Variants in LOC128092253 observed in about 807,000 individuals in gnomAD.
At chr6:133,960,307 G>T in the LOC128092253 span, among the ~76,000 whole-genome samples, 1,664 of 152,234 alleles carry the variant, frequency 0.011, 14 homozygotes, top group Non-Finnish European at 0.018. Flanking sequence ...TTGTACTGAG[G>T]GGGGAGGCCC....
chr6:133,966,596 C>A, the LOC128092253 span, among the ~76,000 whole-genome samples: 1 of 152,166 alleles, frequency 6.6e-6, no homozygotes, highest in Non-Finnish European at 1.5e-5. Context: ...TCCTTCAGTT[C>A]AAAATGTCCA....
At chr6:133,977,212 A>G in the LOC128092253 span, among the ~76,000 whole-genome samples, 23 of 152,132 alleles carry the variant, frequency 1.5e-4, no homozygotes, top group Non-Finnish European at 2.6e-4. Flanking sequence ...CTGACTTTTT[A>G]TATTGCATCT....
chr6:133,978,093 C>T, the LOC128092253 span, among the ~76,000 whole-genome samples: 1 of 152,180 alleles, frequency 6.6e-6, no homozygotes, highest in Non-Finnish European at 1.5e-5. Context: ...AGCTAAACAT[C>T]TGAGCTCTGA....
chr6:133,967,656 C>G, the LOC128092253 span, among the ~76,000 whole-genome samples: 1 of 152,074 alleles, frequency 6.6e-6, no homozygotes. Flanking sequence ...GCAGTTGTAA[C>G]ATAATCATAA....
chr6:133,979,033 A>G, the LOC128092253 span, among the ~76,000 whole-genome samples: 3 of 152,166 alleles, frequency 2.0e-5, no homozygotes, highest in Non-Finnish European at 2.9e-5. Flanking sequence ...ACTTAGTAAA[A>G]ACTGGGGCTT....
the LOC128092253 span, among the ~76,000 whole-genome samples, chr6:133,957,072 C>G: frequency 3.9e-5 from 6 of 152,200 alleles, no homozygotes; most frequent in African/African-American, 1.2e-4. Flanking sequence ...ATCAGAAATT[C>G]TACTTGTCTG....
the LOC128092253 span, among the ~76,000 whole-genome samples, chr6:133,971,579 G>GTGTTGT: frequency 1.3e-5 from 2 of 151,054 alleles, no homozygotes; most frequent in Admixed American, 1.3e-4. Context: ...CAATACATAG[G>GTGTTGT]TGTTGTTGTT....
chr6:133,980,024 G>T, the LOC128092253 span: 1 of 1,216,722 alleles, frequency 8.2e-7, no homozygotes, highest in Non-Finnish European at 1.1e-6. Context: ...TTTCAAAATT[G>T]TGAAAAGTGA....
chr6:133,977,044 AAAGGGATAT>A, the LOC128092253 span, among the ~76,000 whole-genome samples: 1 of 152,132 alleles, frequency 6.6e-6, no homozygotes, highest in Admixed American at 6.6e-5. Context: ...ATCCTATTGA[AAAGGGATAT>A]AATATGTTTA....
At chr6:133,954,529 T>C in the LOC128092253 span, among the ~76,000 whole-genome samples, 1 of 152,238 alleles carries the variant, frequency 6.6e-6, no homozygotes, top group African/African-American at 2.4e-5. Flanking sequence ...GTTACCTCTT[T>C]AGTCTTACAT....
At chr6:133,971,276 G>A in the LOC128092253 span, among the ~76,000 whole-genome samples, 2 of 152,052 alleles carry the variant, frequency 1.3e-5, no homozygotes, top group South Asian at 2.1e-4. Flanking sequence ...ATTTCTTACA[G>A]CTGAATAATA....
the LOC128092253 span, chr6:133,980,055 A>G: frequency 7.3e-7 from 1 of 1,375,174 alleles, no homozygotes; most frequent in Non-Finnish European, 9.5e-7. Flanking sequence ...TTTAAGTTTA[A>G]TGACTTTATT....
chr6:133,955,072 A>G, the LOC128092253 span, among the ~76,000 whole-genome samples: 5 of 152,212 alleles, frequency 3.3e-5, no homozygotes, highest in South Asian at 1.0e-3. Context: ...TAATGAATCA[A>G]AGACTGTTGC....
At chr6:133,970,430 T>C in the LOC128092253 span, among the ~76,000 whole-genome samples, 1 of 152,230 alleles carries the variant, frequency 6.6e-6, no homozygotes, top group Non-Finnish European at 1.5e-5. Flanking sequence ...TATATGTGTT[T>C]GTTTAAGTAA....
chr6:133,956,908 C>A, the LOC128092253 span, among the ~76,000 whole-genome samples: 4 of 152,194 alleles, frequency 2.6e-5, no homozygotes, highest in Non-Finnish European at 5.9e-5. Flanking sequence ...GTATACGTAT[C>A]TGAGGTTTTT....
chr6:133,974,004 CA>C, the LOC128092253 span, among the ~76,000 whole-genome samples: 1,480 of 124,550 alleles, frequency 0.012, 36 homozygotes, highest in Admixed American at 0.072. Flanking sequence ...CAGACTTTAC[CA>C]AAAAAAAAAA....
chr6:133,974,173 C>G, the LOC128092253 span, among the ~76,000 whole-genome samples: 1 of 152,156 alleles, frequency 6.6e-6, no homozygotes, highest in African/African-American at 2.4e-5. Flanking sequence ...GGACCTCTGT[C>G]TACATCTCTA....
the LOC128092253 span, among the ~76,000 whole-genome samples, chr6:133,955,227 C>A: frequency 6.7e-6 from 1 of 148,648 alleles, no homozygotes; most frequent in South Asian, 2.2e-4. Flanking sequence ...CTCACTTGAC[C>A]CAGATCTAGT....
At chr6:133,956,402 T>C in the LOC128092253 span, among the ~76,000 whole-genome samples, 52 of 152,334 alleles carry the variant, frequency 3.4e-4, no homozygotes, top group East Asian at 8.7e-3. Context: ...TGTGCACTTG[T>C]AGGTAGCAGA....
Sources: allele counts gnomAD v4.1 joint callset (sites outside exome capture counted in the v4.1 genomes callset), GRCh38; gene constraint gnomAD v4.1.1; transcripts MANE v1.5.